The following SPTBN1 variants were observed in gnomAD, a reference collection of about 807,000 sequenced individuals.
SPTBN1 encodes the protein spectrin beta chain, non-erythrocytic 1.
Under a neutral mutation model 266.4 loss-of-function variants are expected in SPTBN1, and 32 were observed. The ratio of observed to expected loss-of-function variants is 0.12; its 90% CI spans 0.09 to 0.16. SPTBN1 has a LOEUF of 0.16. Ranked by LOEUF, SPTBN1 falls within the 10% of genes least tolerant of loss-of-function variation. The pLI is 1.00. For synonymous variants in SPTBN1, 1,336 were observed against 1,162.2 expected (o/e 1.15, Z -3.04); for missense variants, 2,296 against 3,067.1 (o/e 0.75, Z 5.94).
chr2:54,619,689 T>G (rs1210715709), intron 7 of SPTBN1, among the ~76,000 whole-genome samples: 3 of 152,218 alleles, frequency 2.0e-5, no homozygotes, highest in Non-Finnish European at 2.9e-5. Flanking sequence ...TTGTGTTGAT[T>G]AAATTGTATA....
At chr2:54,501,991 C>A (rs946586424) in intron 1 of SPTBN1, among the ~76,000 whole-genome samples, 1 of 152,200 alleles carries the variant, frequency 6.6e-6, no homozygotes, top group African/African-American at 2.4e-5. Flanking sequence ...TAAAGCAAGA[C>A]TAGATTAAGG....
At position 54,628,127 on chromosome 2, in the gene SPTBN1, CACTT is replaced by C. The variant is rs1303502088; in HGVS notation, c.1680_1683del (p.Leu561ValfsTer23). The C allele has an allele frequency of 6.2e-7, 1 of 1,613,670 alleles. No individual in the cohort carries two copies. The highest frequency in any genetic ancestry group is 1.7e-5 in the Admixed American group (1 of 59,972). ...AGTATTGTCTCAAGACTATGGCAAACACTTACTTGGTGTGGAAGACCTGTTACAG... is the reference window on the plus strand; with the variant it reads ...AGTATTGTCTCAAGACTATGGCAAACACTTGGTGTGGAAGACCTGTTACAG... On this transcript the variant is annotated frameshift_variant, in exon 13 of 36. Coordinates refer to ENST00000356805, the MANE Select transcript of SPTBN1 (RefSeq NM_003128.3). LOFTEE classifies it high-confidence loss of function. The surrounding 1 kb of genome is among the most constrained non-coding windows in gnomAD (Gnocchi z 4.3).
rs777877424 is a variant in SPTBN1, at chr2:54,626,012, C to T, written c.1422C>T (p.Tyr474=). ...HEAIETDIAA[Y]EERVQAVVAV... is the part of the protein sequence containing the mutation. ...CCATTGAGACAGACATTGCCGCATACGAGGAGCGTGTGCAGGCTGTGGTAG... is the reference window on the plus strand; with the variant it reads ...CCATTGAGACAGACATTGCCGCATATGAGGAGCGTGTGCAGGCTGTGGTAG... Residue 474 remains tyrosine (Y), a synonymous_variant, in exon 12 of 36, where the codon TAC becomes TAT. Transcript: ENST00000356805. The surrounding 1 kb of genome is among the most constrained non-coding windows in gnomAD (Gnocchi z 4.7). The T allele has an allele frequency of 1.4e-5, 23 of 1,614,036 alleles. No individual in the cohort carries two copies. Among genetic ancestry groups the T allele is most frequent in the Admixed American group, 5.0e-5 (3 of 60,004 alleles).
chr2:54,490,047 G>A (rs184769433), intron 1 of SPTBN1, among the ~76,000 whole-genome samples: 518 of 151,868 alleles, frequency 3.4e-3, no homozygotes, highest in Non-Finnish European at 4.2e-3. Context: ...TTTTGCTGGA[G>A]TGATGACAGA....
At chr2:54,501,133 T>C (rs570194862) in intron 1 of SPTBN1, among the ~76,000 whole-genome samples, 3 of 152,258 alleles carry the variant, frequency 2.0e-5, no homozygotes, top group African/African-American at 7.2e-5. Context: ...ACAGTCAGGC[T>C]AGGCAGCTGC....
In SPTBN1 at chr2:54,653,865, A is replaced by G. The variant is rs1421165661; in HGVS notation, c.5822+12A>G. Reference sequence around the variant, plus strand: ...CAGGAGAAGCCAAGGTAACGCTTTCAGCCCAAAGGAAATTGGACTTATTGG... The same window carrying G: ...CAGGAGAAGCCAAGGTAACGCTTTCGGCCCAAAGGAAATTGGACTTATTGG... On this transcript the variant is annotated intron_variant, in intron 27 of 35. Coordinates refer to ENST00000356805, the MANE Select transcript of SPTBN1 (RefSeq NM_003128.3). The surrounding 1 kb of genome is among the most constrained non-coding windows in gnomAD (Gnocchi z 5.1). 1.9e-6 allele frequency: 3 copies of G among 1,601,566 alleles called. No individual in the cohort carries two copies. The highest frequency in any genetic ancestry group is 2.5e-6 in the Non-Finnish European group (3 of 1,177,010).
rs1032433096 is a variant in SPTBN1 at position 54,554,157 on chromosome 2, C to A, written c.148+27591C>A. On this transcript the variant is annotated intron_variant, in intron 2 of 35. Coordinates refer to ENST00000356805, the MANE Select transcript of SPTBN1 (RefSeq NM_003128.3). This position sits in a 1 kb window ranked among gnomAD's most constrained non-coding sequence, Gnocchi z 4.5. ...TTTAGGTTAATCTTGATACCACTTA[C>A]TGAGTTCTGTGATTTTTCAGAAAAG... Among the ~76,000 whole-genome samples the A allele has an allele frequency of 1.3e-5, 2 of 152,142 alleles. No homozygotes were observed. Among genetic ancestry groups the A allele is most frequent in the African/African-American group, 4.8e-5 (2 of 41,426 alleles).
chr2:54,518,224 T>G (rs977038521), intron 1 of SPTBN1, among the ~76,000 whole-genome samples: 3 of 151,882 alleles, frequency 2.0e-5, no homozygotes, highest in Non-Finnish European at 2.9e-5. Context: ...GTTTCTTGCA[T>G]GTTCTCACTC....
At chr2:54,624,654 G>C (rs1678210884) in intron 10 of SPTBN1, 150 bp from the exon 11 acceptor site, 3 of 1,191,730 alleles carry the variant, frequency 2.5e-6, no homozygotes, top group African/African-American at 1.5e-5. Flanking sequence ...TTTCCTCAAG[G>C]CTTGAGAGTC....
intron 26 of SPTBN1, among the ~76,000 whole-genome samples, chr2:54,651,995 CT>C (rs1161374429): frequency 6.6e-6 from 1 of 152,178 alleles, no homozygotes; most frequent in Admixed American, 6.5e-5. Flanking sequence ...AGCCCTACTG[CT>C]GTCCGTACCC....
chr2:54,465,423 TGAAG>T (rs1421634040), intron 1 of SPTBN1, among the ~76,000 whole-genome samples: 1 of 152,082 alleles, frequency 6.6e-6, no homozygotes, highest in Non-Finnish European at 1.5e-5. Context: ...TGGTCAGAAA[TGAAG>T]GTAAAATTCC....
rs752412080 is a variant in SPTBN1, at chr2:54,626,948, C to T, written c.1644+714C>T. Among the ~76,000 whole-genome samples the T allele has an allele frequency of 2.6e-5, 4 of 152,082 alleles. No individual in the cohort carries two copies. Among genetic ancestry groups the T allele is most frequent in the African/African-American group, 7.2e-5 (3 of 41,430 alleles). ...CCTGTTCATGTCCTCCAATGCAGGC[C>T]ATGGAATGCTCAGCCATGCCAAGCA... is the stretch of plus-strand genomic sequence containing the variant. On this transcript the variant is annotated intron_variant, in intron 12 of 35. Transcript: ENST00000356805. The surrounding 1 kb of genome is among the most constrained non-coding windows in gnomAD (Gnocchi z 4.7).
intron 17 of SPTBN1, among the ~76,000 whole-genome samples, chr2:54,636,642 T>C (rs1426646040): frequency 6.6e-6 from 1 of 152,264 alleles, no homozygotes; most frequent in African/African-American, 2.4e-5. Flanking sequence ...TCCAAGGCTA[T>C]GTGTTCTTCC....
chr2:54,666,178 AGTTG>A (rs1681354368), intron 34 of SPTBN1, 90 bp downstream of exon 34: 1 of 1,344,786 alleles, frequency 7.4e-7, no homozygotes, highest in Admixed American at 2.3e-5. Context: ...TGCTGTGATT[AGTTG>A]GTTCTGTCTT....
chr2:54,519,928 G>C (rs956662999), intron 1 of SPTBN1, among the ~76,000 whole-genome samples: 10 of 152,134 alleles, frequency 6.6e-5, no homozygotes, highest in Non-Finnish European at 1.2e-4. Context: ...GAGAAGTGGG[G>C]ATGCCATTCA....
At chr2:54,606,410 T>A (rs1444298778) in intron 3 of SPTBN1, among the ~76,000 whole-genome samples, 1 of 152,190 alleles carries the variant, frequency 6.6e-6, no homozygotes, top group Non-Finnish European at 1.5e-5. Flanking sequence ...TTGTTTGTGA[T>A]GGAAACAGCA....
intron 1 of SPTBN1, among the ~76,000 whole-genome samples, chr2:54,501,237 C>G (rs939618910): frequency 5.3e-5 from 8 of 152,208 alleles, no homozygotes; most frequent in African/African-American, 1.9e-4. Context: ...CCTTCCTTAT[C>G]CCACATGAGC....
chr2:54,558,460 T>G lies in SPTBN1; in HGVS notation c.148+31894T>G, dbSNP rs1472527774. ...GTGGCATGCTTAGGATTGGCCATAT[T>G]TAAAAGTTCTGAAGTAGAACCTGCG... On this transcript the variant is annotated intron_variant, in intron 2 of 35. Coordinates refer to ENST00000356805, the MANE Select transcript of SPTBN1 (RefSeq NM_003128.3). The surrounding 1 kb of genome is among the most constrained non-coding windows in gnomAD (Gnocchi z 4.6). 2.3e-5 allele frequency: 24 copies of G among 1,065,744 alleles called. No individual in the cohort carries two copies. Among genetic ancestry groups the G allele is most frequent in the African/African-American group, 3.3e-5 (2 of 59,748 alleles). 66.0% of individuals were successfully genotyped at this position (1,065,744 alleles called of 1,614,324 possible). A position where few individuals can be genotyped will look rare whatever the true frequency, so the allele number is the denominator to read the frequency against.
intron 18 of SPTBN1, among the ~76,000 whole-genome samples, chr2:54,641,984 C>G (rs1679596661): frequency 6.6e-6 from 1 of 152,232 alleles, no homozygotes; most frequent in East Asian, 1.9e-4. Context: ...AAGTGGGCTT[C>G]TCACGGTCAC....
Sources: allele counts gnomAD v4.1 joint callset (sites outside exome capture counted in the v4.1 genomes callset), GRCh38; gene constraint gnomAD v4.1.1; non-coding constraint Gnocchi (gnomAD v3.1); transcripts MANE v1.5; gene names NCBI Gene and HGNC (gene_info 2026-07-23, HGNC 2026-07-21).